FAM227B: variants seen among roughly 807,000 people sequenced by gnomAD.
FAM227B encodes family with sequence similarity 227 member B, also known as protein FAM227B.
FAM227B carries 88 observed loss-of-function variants against 73.8 expected under a neutral mutation model. The ratio of observed to expected loss-of-function variants is 1.19; its 90% CI spans 1.00 to 1.42. FAM227B has a LOEUF of 1.42. Among genes scored for constraint, FAM227B ranks in the 40% most tolerant of loss-of-function variants. The pLI is 0.00. For synonymous variants in FAM227B, 210 were observed against 190.5 expected, an observed-to-expected ratio of 1.10 and a Z score of -0.84; for missense variants, 632 against 590.9, an observed-to-expected ratio of 1.07 and a Z score of -0.72.
chr15:49,455,683 TTAAA>T (rs1189593036), intron 11 of FAM227B, among the ~76,000 whole-genome samples: 2 of 152,334 alleles, frequency 1.3e-5, no homozygotes, highest in East Asian at 1.9e-4. Flanking sequence ...ATGGCAGCAC[TTAAA>T]TAAGTGATTT....
intron 11 of FAM227B, among the ~76,000 whole-genome samples, chr15:49,393,264 C>T (rs889430101): frequency 2.0e-5 from 3 of 152,078 alleles, no homozygotes; most frequent in African/African-American, 7.2e-5. Flanking sequence ...GTGTTTTCCT[C>T]TTAGTGTAAA....
intron 5 of FAM227B, among the ~76,000 whole-genome samples, chr15:49,586,148 G>C (rs1299022589): frequency 6.6e-6 from 1 of 152,052 alleles, no homozygotes; most frequent in Non-Finnish European, 1.5e-5. Context: ...AAACTACAGG[G>C]CTACAGCCAC....
intron 3 of FAM227B, among the ~76,000 whole-genome samples, chr15:49,595,757 A>G (rs60597223): frequency 0.02 from 3,000 of 151,974 alleles, 122 homozygotes; most frequent in African/African-American, 0.069. Context: ...AGAGAAATAC[A>G]TATCATAAAT....
chr15:49,421,728 T>G lies in FAM227B; in HGVS notation c.1013-50329A>C, dbSNP rs532643373. Among the ~76,000 whole-genome samples the G allele has an allele frequency of 6.6e-5, 10 of 152,320 alleles. No homozygotes were observed. The South Asian group carries it at 1.9e-3, about 28-fold the overall frequency. On this transcript the variant is annotated intron_variant, in intron 11 of 15. Coordinates refer to ENST00000299338, the MANE Select transcript of FAM227B (RefSeq NM_152647.3). ...AACTTTTATTTCTTTAGAAGCAATA[T>G]CTAAGTCCTAGGAATTCTGAGCCTG... is the stretch of plus-strand genomic sequence containing the variant.
At position 49,490,788 on chromosome 15, in the gene FAM227B, C is replaced by T. The variant is rs558997901; in HGVS notation, c.1012+17423G>A. Among the ~76,000 whole-genome samples the T allele has an allele frequency of 2.6e-5, 4 of 151,998 alleles. No homozygotes were observed. The South Asian group carries it at 6.2e-4, about 24-fold the overall frequency. On this transcript the variant is annotated intron_variant, in intron 11 of 15. Transcript: ENST00000299338. ...ATTCTCCACTTGACTGAAATTTTTC[C>T]ATTAATCAACCAATTAATAGATACA...
chr15:49,611,687 A>AATGTTTGG (rs1206462974), intron 2 of FAM227B, among the ~76,000 whole-genome samples: 1 of 152,236 alleles, frequency 6.6e-6, no homozygotes, highest in Non-Finnish European at 1.5e-5. Context: ...AATAAATTTA[A>AATGTTTGG]ATGTTTGGAT....
intron 9 of FAM227B, among the ~76,000 whole-genome samples, chr15:49,543,022 C>T (rs919560581): frequency 3.2e-4 from 48 of 151,926 alleles, no homozygotes; most frequent in African/African-American, 1.1e-3. Flanking sequence ...GGGTAGATAC[C>T]CAGTAGTGGG....
intron 5 of FAM227B, among the ~76,000 whole-genome samples, chr15:49,586,987 T>G (rs1455620669): frequency 2.6e-5 from 4 of 151,946 alleles, no homozygotes; most frequent in Admixed American, 2.0e-4. Context: ...CTGAAAGAAC[T>G]CAAAAGGAAT....
chr15:49,519,203 G>GGGGT (rs2059605104), intron 10 of FAM227B, among the ~76,000 whole-genome samples: 1 of 152,174 alleles, frequency 6.6e-6, no homozygotes, highest in Non-Finnish European at 1.5e-5. Context: ...CACCCCTGTG[G>GGGGT]CTTTGCAGGG....
At chr15:49,525,256 G>C (rs2060078444) in intron 10 of FAM227B, among the ~76,000 whole-genome samples, 1 of 152,202 alleles carries the variant, frequency 6.6e-6, no homozygotes, top group Admixed American at 6.5e-5. Context: ...TCTTGGGATA[G>C]TGAATAAGTC....
chr15:49,459,212 G>C (rs1002289818), intron 11 of FAM227B, among the ~76,000 whole-genome samples: 14 of 152,184 alleles, frequency 9.2e-5, no homozygotes, highest in African/African-American at 3.4e-4. Context: ...GATGTCAGCT[G>C]TCCTGGCCAG....
intron 3 of FAM227B, among the ~76,000 whole-genome samples, chr15:49,603,954 G>A (rs1256496801): frequency 6.6e-6 from 1 of 152,118 alleles, no homozygotes; most frequent in Non-Finnish European, 1.5e-5. Flanking sequence ...ATATCACGCT[G>A]ACTGATTTGT....
intron 11 of FAM227B, among the ~76,000 whole-genome samples, chr15:49,444,083 AT>A (rs1376501555): frequency 2.6e-5 from 4 of 151,688 alleles, no homozygotes; most frequent in African/African-American, 9.7e-5. Context: ...CACCTTTCTT[AT>A]AAGGATCTTA....
intron 1 of FAM227B, among the ~76,000 whole-genome samples, chr15:49,617,110 G>C (rs1031556074): frequency 3.3e-5 from 5 of 152,116 alleles, no homozygotes; most frequent in African/African-American, 1.2e-4. Context: ...CTGAATGCTT[G>C]ACAATTCCTG....
At chr15:49,365,092 A>C in intron 13 of FAM227B, 4 of 626,700 alleles carry the variant, frequency 6.4e-6, no homozygotes, top group Non-Finnish European at 5.8e-6. Context: ...GTAGAAAATC[A>C]ATGACACATT....
chr15:49,571,369 T>C (rs774332389), intron 8 of FAM227B, among the ~76,000 whole-genome samples: 140 of 151,986 alleles, frequency 9.2e-4, no homozygotes, highest in Non-Finnish European at 1.4e-3. Context: ...GCAATTCCAT[T>C]TGTCTATTTT....
At chr15:49,495,234 G>A (rs2057493744) in intron 11 of FAM227B, among the ~76,000 whole-genome samples, 1 of 152,092 alleles carries the variant, frequency 6.6e-6, no homozygotes, top group Admixed American at 6.6e-5. Context: ...AAATTATCTT[G>A]GAAGTTAAAT....
At chr15:49,416,778 C>G (rs966008468) in intron 11 of FAM227B, among the ~76,000 whole-genome samples, 1 of 81,112 alleles carries the variant, frequency 1.2e-5, no homozygotes, top group Non-Finnish European at 3.9e-5. Context: ...CATAGACACA[C>G]ACACACACAC....
chr15:49,582,562 G>A (rs567795845), intron 5 of FAM227B, among the ~76,000 whole-genome samples: 5 of 152,094 alleles, frequency 3.3e-5, no homozygotes, highest in Admixed American at 6.6e-5. Context: ...ACAATATTAG[G>A]ACAGATCATT....
Sources: allele counts gnomAD v4.1 joint callset (sites outside exome capture counted in the v4.1 genomes callset), GRCh38; gene constraint gnomAD v4.1.1; transcripts MANE v1.5; gene names NCBI Gene and HGNC (gene_info 2026-07-23, HGNC 2026-07-21).